Variants in UBN1 observed in about 807,000 individuals in gnomAD.
UBN1 encodes the protein ubinuclein 1.
Under a neutral mutation model 108.5 loss-of-function variants are expected in UBN1, and 17 were observed. That is an observed-to-expected ratio of 0.16 (90% CI 0.11 to 0.24). The LOEUF is 0.24. Among genes scored for constraint, UBN1 ranks in the 10% least tolerant of loss-of-function variants. The probability of loss-of-function intolerance (pLI) is 1.00; values close to 1 mark genes in which losing one functional copy is unlikely to be tolerated. For missense variants in UBN1, 1,595 were observed against 1,394.4 expected, an observed-to-expected ratio of 1.14 and a Z score of -2.29; for synonymous variants, 726 against 564.2, an observed-to-expected ratio of 1.29 and a Z score of -4.07.
At chr16:4,865,776 C>A (rs2087299926) in intron 7 of UBN1, among the ~76,000 whole-genome samples, 1 of 152,136 alleles carries the variant, frequency 6.6e-6, no homozygotes, top group Non-Finnish European at 1.5e-5. Flanking sequence ...GCCTGGCCAA[C>A]ATGGTGAAAC....
Position 4,874,372 on chromosome 16 carries a change from T to C in UBN1, c.1962T>C (p.Pro654=). The change falls in exon 15 of 18, where the codon CCT becomes CCC. Residue 654 remains proline (P), a synonymous_variant. Coordinates refer to ENST00000262376, the MANE Select transcript of UBN1 (RefSeq NM_001079514.3). ...CGGGCGGCCTTGCTAACCCTCCTCC[T>C]GTCAACCTGGAGGACTCATTGGATG... ...QASGGLANPP[P]VNLEDSLDED... The C allele has an allele frequency of 6.2e-7, 1 of 1,614,026 alleles. No individual in the cohort carries two copies. Among genetic ancestry groups the C allele is most frequent in the Non-Finnish European group, 8.5e-7 (1 of 1,180,004 alleles).
chr16:4,871,027 G>A, intron 11 of UBN1, 55 bp downstream of exon 11: 1 of 1,609,356 alleles, frequency 6.2e-7, no homozygotes, highest in Non-Finnish European at 8.5e-7. Context: ...CAGTGTCTGA[G>A]CACGTCCCCT....
chr16:4,875,556 C>T (rs1032431207), intron 15 of UBN1, 122 bp downstream of exon 15: 1 of 1,380,808 alleles, frequency 7.2e-7, no homozygotes, highest in Non-Finnish European at 9.8e-7. Context: ...GAACAGTGGG[C>T]TCAGACGTAG....
chr16:4,871,546 G>A (rs1440422759), intron 12 of UBN1, among the ~76,000 whole-genome samples: 1 of 122,346 alleles, frequency 8.2e-6, no homozygotes, highest in Non-Finnish European at 1.7e-5. Context: ...TTCAGTTGAT[G>A]TTTGGCCTCC....
intron 5 of UBN1, 151 bp downstream of exon 5, chr16:4,859,310 C>A: frequency 2.7e-6 from 3 of 1,105,300 alleles, no homozygotes; most frequent in South Asian, 3.1e-5. Context: ...TCGCCTCTTA[C>A]ACGTGTGCCC....
intron 12 of UBN1, 125 bp downstream of exon 12, chr16:4,871,426 C>T (rs1331089705): frequency 3.0e-6 from 4 of 1,338,234 alleles, no homozygotes; most frequent in Non-Finnish European, 4.0e-6. Flanking sequence ...ACTCTGATCT[C>T]ACCTGAGTAA....
At chr16:4,853,283 TC>T in intron 2 of UBN1, 117 bp downstream of exon 2, 3 of 1,383,562 alleles carry the variant, frequency 2.2e-6, no homozygotes, top group Non-Finnish European at 2.9e-6. Flanking sequence ...TGCCCCAAGA[TC>T]CTGTCACTCA....
rs770239603 is a variant in UBN1, at chr16:4,877,484, C to A, written c.3355+10C>A. ...CCGCAGAGTCTGCCAGGTAATCACC[C>A]GACGGTCAGTGTGCCACGCGCACCG... On this transcript the variant is annotated intron_variant, in intron 17 of 17. Transcript: ENST00000262376. This position sits in a 1 kb window ranked among gnomAD's most constrained non-coding sequence, Gnocchi z 4.3. 2 of 1,606,888 alleles carry A rather than the reference C, an allele frequency of 1.2e-6. No individual in the cohort carries two copies. Among genetic ancestry groups the A allele is most frequent in the Non-Finnish European group, 1.7e-6 (2 of 1,178,044 alleles).
chr16:4,871,522 A>AT (rs1383072951), intron 12 of UBN1, among the ~76,000 whole-genome samples: 18 of 117,768 alleles, frequency 1.5e-4, no homozygotes, highest in Non-Finnish European at 3.6e-5. Context: ...TGTTTTTGTC[A>AT]TTTTTTGTCC....
At chr16:4,878,555 C>CT (rs1270673975) in intron 17 of UBN1, among the ~76,000 whole-genome samples, 1 of 152,296 alleles carries the variant, frequency 6.6e-6, no homozygotes, top group Admixed American at 6.5e-5. Context: ...GGGGCTAAGC[C>CT]TATAGCACTA....
intron 7 of UBN1, among the ~76,000 whole-genome samples, chr16:4,866,857 C>T (rs1033667168): frequency 3.3e-5 from 5 of 152,232 alleles, no homozygotes; most frequent in East Asian, 1.9e-4. Flanking sequence ...TAAATGGACC[C>T]GATAGATACG....
chr16:4,851,088 G>C (rs1179907142), intron 1 of UBN1, among the ~76,000 whole-genome samples: 2 of 152,202 alleles, frequency 1.3e-5, no homozygotes, highest in Non-Finnish European at 2.9e-5. Flanking sequence ...AATCAGCAGA[G>C]GAAGGAAGGA....
rs778531399 is a variant in UBN1, at chr16:4,853,182, C to A, written c.249+16C>A. On this transcript the variant is annotated intron_variant, in intron 2 of 17. Transcript: ENST00000262376. ...TGGAGATAAGGTACACCCCTTTGTT[C>A]CCAGAGGCGCTGCAGGTTTAACGCA... The A allele has an allele frequency of 8.1e-6, 13 of 1,612,934 alleles. No homozygotes were observed. Among genetic ancestry groups the A allele is most frequent in the Middle Eastern group, 1.6e-4 (1 of 6,076 alleles).
intron 4 of UBN1, 24 bp downstream of exon 4, chr16:4,858,687 T>C (rs1362087557): frequency 6.2e-7 from 1 of 1,609,724 alleles, no homozygotes; most frequent in Non-Finnish European, 8.5e-7. Flanking sequence ...GAAAATGCCG[T>C]GTCAGACCCA....
At chr16:4,864,088 T>TC (rs1257038766) in intron 7 of UBN1, among the ~76,000 whole-genome samples, 1 of 138,602 alleles carries the variant, frequency 7.2e-6, no homozygotes, top group Non-Finnish European at 1.6e-5. Context: ...TTTTTTTTTT[T>TC]TTTTTTTTTT....
intron 7 of UBN1, among the ~76,000 whole-genome samples, chr16:4,861,540 A>G (rs1024991007): frequency 2.0e-5 from 3 of 152,256 alleles, no homozygotes; most frequent in Non-Finnish European, 4.4e-5. Flanking sequence ...ACTAGGTTTC[A>G]GTCGCTCCCT....
intron 17 of UBN1, among the ~76,000 whole-genome samples, chr16:4,878,934 C>T (rs2087996874): frequency 6.6e-6 from 1 of 152,140 alleles, no homozygotes; most frequent in South Asian, 2.1e-4. Flanking sequence ...ATCACTTGAG[C>T]CGAGGAGGTC....
At chr16:4,856,040 T>C (rs1419732152) in intron 2 of UBN1, among the ~76,000 whole-genome samples, 1 of 152,260 alleles carries the variant, frequency 6.6e-6, no homozygotes, top group Non-Finnish European at 1.5e-5. Flanking sequence ...TGAGCACCAC[T>C]GGGCAGAATG....
rs1423958381 is a variant in UBN1, at chr16:4,877,848, T to C, written c.3355+374T>C. The C allele has an allele frequency of 7.0e-6, 7 of 1,004,236 alleles. No individual in the cohort carries two copies. The highest frequency in any genetic ancestry group is 8.3e-6 in the Non-Finnish European group (7 of 843,170). 62.2% of individuals were successfully genotyped at this position (1,004,236 alleles called of 1,614,324 possible). On this transcript the variant is annotated intron_variant, in intron 17 of 17. Transcript: ENST00000262376. The surrounding 1 kb of genome is among the most constrained non-coding windows in gnomAD (Gnocchi z 4.3). The stretch of plus-strand genomic sequence containing the variant: ...ATGGTGCATCTTCTCCAAGGGCTAA[T>C]TGGGTACAACAAGGTCTTGGAATGC...
Sources: allele counts gnomAD v4.1 joint callset (sites outside exome capture counted in the v4.1 genomes callset), GRCh38; gene constraint gnomAD v4.1.1; non-coding constraint Gnocchi (gnomAD v3.1); transcripts MANE v1.5; gene names NCBI Gene and HGNC (gene_info 2026-07-23, HGNC 2026-07-21).